The following ERC1 variants were observed in gnomAD, a reference collection of about 807,000 sequenced individuals.
ERC1 encodes the protein RAB6 interacting protein 2.
In ERC1, 56 loss-of-function variants were observed where a neutral mutation model predicts 132.0. The ratio of observed to expected loss-of-function variants is 0.42; its 90% CI spans 0.34 to 0.53. The LOEUF is 0.53. ERC1 is among the 20% of genes least tolerant of loss of function. The probability of loss-of-function intolerance (pLI) is 0.03; values close to 1 mark genes in which losing one functional copy is unlikely to be tolerated. For synonymous variants in ERC1, 478 were observed against 476.1 expected, an observed-to-expected ratio of 1.00 and a Z score of -0.05; for missense variants, 1,202 against 1,349.9, an observed-to-expected ratio of 0.89 and a Z score of 1.72.
At chr12:1,110,528 A>G (rs532813004) in intron 5 of ERC1, among the ~76,000 whole-genome samples, 181 bp downstream of exon 5, 2 of 152,354 alleles carry the variant, frequency 1.3e-5, no homozygotes, top group Non-Finnish European at 2.9e-5. Flanking sequence ...AATTACTGAC[A>G]TAGATAGTTA....
In ERC1 at chr12:1,236,889, C is replaced by T; in HGVS notation, c.2472C>T (p.Ser824=). 6.2e-7 allele frequency: 1 copy of T among 1,613,976 alleles called. No individual in the cohort carries two copies. The highest frequency in any genetic ancestry group is 8.5e-7 in the Non-Finnish European group (1 of 1,179,896). ...GACGGGAGGACAATCTCAACGACAG[C>T]TCTCAGCAGCTACAGGTTAGAACAC... The part of the protein sequence containing the change: ...ARRREDNLND[S]SQQLQDSLRK... Residue 824 remains serine, a synonymous_variant, in exon 13 of 19, where the codon AGC becomes AGT. Transcript: ENST00000360905.
At chr12:1,215,760 A>G (rs1474735499) in intron 12 of ERC1, among the ~76,000 whole-genome samples, 1 of 152,092 alleles carries the variant, frequency 6.6e-6, no homozygotes, top group East Asian at 1.9e-4. Flanking sequence ...ACATGAAGAC[A>G]TCTGAAAAGG....
intron 18 of ERC1, among the ~76,000 whole-genome samples, chr12:1,447,940 A>G (rs1186064579): frequency 2.0e-5 from 3 of 152,160 alleles, no homozygotes; most frequent in African/African-American, 4.8e-5. Flanking sequence ...ATGAGTGACC[A>G]TGCCTGCCCA....
intron 15 of ERC1, among the ~76,000 whole-genome samples, chr12:1,331,611 C>G (rs963428482): frequency 1.3e-5 from 2 of 152,278 alleles, no homozygotes; most frequent in East Asian, 3.9e-4. Flanking sequence ...TCGTTATGCC[C>G]TGATCCTAAC....
intron 1 of ERC1, among the ~76,000 whole-genome samples, chr12:1,009,226 G>T (rs2154137619): frequency 6.6e-6 from 1 of 151,528 alleles, no homozygotes; most frequent in South Asian, 2.1e-4. Context: ...CCAGGCTGGA[G>T]TGCAGCGGCA....
At chr12:1,033,285 C>T (rs558266304) in intron 2 of ERC1, among the ~76,000 whole-genome samples, 1 of 152,236 alleles carries the variant, frequency 6.6e-6, no homozygotes, top group East Asian at 1.9e-4. Context: ...ATCCGCCCAC[C>T]TCAGCCTCCC....
At chr12:1,143,837 T>C (rs561620825) in intron 8 of ERC1, among the ~76,000 whole-genome samples, 2 of 152,288 alleles carry the variant, frequency 1.3e-5, no homozygotes, top group Admixed American at 6.5e-5. Flanking sequence ...TTTCTTTTTG[T>C]TATAAAGTGT....
rs548595085 is a variant in ERC1 at position 1,196,797 on chromosome 12, G to A, written c.2351+6745G>A. On this transcript the variant is annotated intron_variant, in intron 12 of 18. Coordinates refer to ENST00000360905, the MANE Select transcript of ERC1 (RefSeq NM_178040.4). The stretch of plus-strand genomic sequence containing the variant: ...GAGCCACCACACCTGGTGCATGTGC[G>A]CACGCTATTTCTCTCTCTCTCTCTC... Among the ~76,000 whole-genome samples the A allele has an allele frequency of 9.4e-5, 9 of 95,600 alleles. No individual in the cohort carries two copies. In the East Asian group the frequency reaches 1.6e-3, roughly 17 times the overall value. The allele number at this position is 95,600 out of a possible 152,430, so 62.7% of individuals were successfully genotyped here. A position where few individuals can be genotyped will look rare whatever the true frequency, so the allele number is the denominator to read the frequency against.
intron 18 of ERC1, among the ~76,000 whole-genome samples, chr12:1,468,807 A>C (rs989866870): frequency 9.9e-5 from 15 of 152,214 alleles, no homozygotes; most frequent in African/African-American, 3.6e-4. Flanking sequence ...CTTTATACAC[A>C]TAATGAAGCT....
At chr12:1,348,403 C>T (rs1448289541) in intron 15 of ERC1, among the ~76,000 whole-genome samples, 1 of 152,124 alleles carries the variant, frequency 6.6e-6, no homozygotes, top group Non-Finnish European at 1.5e-5. Flanking sequence ...TGTATAATGT[C>T]CAGCCAGGCG....
intron 17 of ERC1, among the ~76,000 whole-genome samples, chr12:1,424,868 A>ATC (rs1565411701): frequency 2.0e-4 from 21 of 104,350 alleles, no homozygotes; most frequent in Admixed American, 9.0e-5. Context: ...ATAGATCGAT[A>ATC]GATAGATAGA....
In ERC1 at chr12:1,085,422, G is replaced by C. The variant is rs55671527; in HGVS notation, c.1086+1842G>C. On this transcript the variant is annotated intron_variant, in intron 3 of 18. Coordinates refer to ENST00000360905, the MANE Select transcript of ERC1 (RefSeq NM_178040.4). ...TGCCTGGCCCATTATTATTATTATT[G>C]TTGTTGTTGAAAGTGCTGAGATTAC... Among the ~76,000 whole-genome samples the C allele has an allele frequency of 6.6e-4, 5 of 7,630 alleles. 2 individuals carry two copies. Among genetic ancestry groups the C allele is most frequent in the Non-Finnish European group, 3.0e-3 (5 of 1,668 alleles). 5.0% of individuals were successfully genotyped at this position (7,630 alleles called of 152,430 possible).
At chr12:1,267,923 G>T (rs1484377861) in intron 14 of ERC1, among the ~76,000 whole-genome samples, 1 of 152,174 alleles carries the variant, frequency 6.6e-6, no homozygotes. Context: ...GATGTTCAAG[G>T]TTATAGGATT....
intron 12 of ERC1, among the ~76,000 whole-genome samples, chr12:1,218,699 A>G (rs1200471635): frequency 6.6e-6 from 1 of 151,920 alleles, no homozygotes; most frequent in Non-Finnish European, 1.5e-5. Flanking sequence ...TTCTTCTGGT[A>G]TCTCTGATAC....
At chr12:1,231,643 T>TTA (rs1397652278) in intron 12 of ERC1, among the ~76,000 whole-genome samples, 1 of 152,016 alleles carries the variant, frequency 6.6e-6, no homozygotes, top group Non-Finnish European at 1.5e-5. Context: ...GGAAATGTCT[T>TTA]TATCTCATCT....
At chr12:1,452,811 C>T (rs537166932) in intron 18 of ERC1, among the ~76,000 whole-genome samples, 22 of 152,322 alleles carry the variant, frequency 1.4e-4, no homozygotes, top group African/African-American at 4.8e-4. Context: ...AATATACTTT[C>T]CTCTTCTTCT....
intron 8 of ERC1, among the ~76,000 whole-genome samples, chr12:1,176,864 C>T (rs1165372009): frequency 6.6e-6 from 1 of 152,198 alleles, no homozygotes; most frequent in Non-Finnish European, 1.5e-5. Context: ...GAAGTAACTT[C>T]AATGGCAAAA....
intron 14 of ERC1, among the ~76,000 whole-genome samples, chr12:1,281,444 A>C (rs1248396221): frequency 6.6e-6 from 1 of 152,208 alleles, no homozygotes; most frequent in East Asian, 1.9e-4. Flanking sequence ...CATTTGTCAC[A>C]AACCCTAATG....
chr12:1,429,965 A>T (rs986713041), intron 17 of ERC1, among the ~76,000 whole-genome samples: 1 of 152,198 alleles, frequency 6.6e-6, no homozygotes. Flanking sequence ...AGTGGTTTCT[A>T]TGTGCCAGGA....
Sources: gnomAD v4.1 joint callset for allele counts (sites outside exome capture counted in the v4.1 genomes callset) on GRCh38, gnomAD v4.1.1 for gene constraint, MANE v1.5 for transcripts, NCBI Gene and HGNC (gene_info 2026-07-23, HGNC 2026-07-21) for gene names.